The following TNFRSF11A variants were observed in gnomAD, a reference collection of about 807,000 sequenced individuals.
TNFRSF11A encodes the protein tumor necrosis factor receptor superfamily member 11A.
A neutral mutation model predicts 55.7 loss-of-function variants in TNFRSF11A; 32 were observed. That is an observed-to-expected ratio of 0.57 (90% CI 0.43 to 0.77). The LOEUF (loss-of-function observed/expected upper bound fraction) is 0.77, where lower values mean the gene tolerates loss of function less well. Among genes scored for constraint, TNFRSF11A ranks in the 30% least tolerant of loss-of-function variants. TNFRSF11A has a pLI of 0.00. For missense variants in TNFRSF11A, 753 were observed against 809.8 expected, an observed-to-expected ratio of 0.93 and a Z score of 0.85; for synonymous variants, 311 against 331.0, an observed-to-expected ratio of 0.94 and a Z score of 0.65.
chr18:62,387,874 G>A lies in TNFRSF11A; in HGVS notation c.*2840G>A, dbSNP rs569319082. On this transcript the variant is annotated 3_prime_UTR_variant, in exon 10 of 10. Coordinates refer to ENST00000586569, the MANE Select transcript of TNFRSF11A (RefSeq NM_003839.4). Reference sequence around the variant, plus strand: ...AGCGGTTCATGCCTCCCAGTGCTTTGGGAGGCCAAGGCAGGAGGATCACTT... The same window carrying A: ...AGCGGTTCATGCCTCCCAGTGCTTTAGGAGGCCAAGGCAGGAGGATCACTT... 4 of 152,328 alleles carry A rather than the reference G, an allele frequency of 2.6e-5. No individual in the cohort carries two copies. In the East Asian group the frequency reaches 7.7e-4, roughly 29 times the overall value. 9.4% of individuals were successfully genotyped at this position (152,328 alleles called of 1,614,324 possible).
intron 1 of TNFRSF11A, among the ~76,000 whole-genome samples, chr18:62,326,622 A>C (rs1331024367): frequency 1.3e-5 from 2 of 152,212 alleles, no homozygotes; most frequent in Non-Finnish European, 2.9e-5. Flanking sequence ...TTGCAAAATT[A>C]TCTCTCACTG....
In TNFRSF11A at chr18:62,369,472, TC is replaced by T; in HGVS notation, c.1559del (p.Pro520LeufsTer6). On this transcript the variant is annotated frameshift_variant, in exon 9 of 10. Transcript: ENST00000586569. LOFTEE classifies it high-confidence loss of function. Reference protein sequence around the residue: ...AGSGSSPGGQSPASGNVTGNS... With the variant: ...AGSGSSPGGQXPASGNVTGNS... ...GTCTGGAAGCTCCCCTGGTGGCCAG[TC>T]CCCTGCATCTGGTAAGTGACTTCCC... The T allele has an allele frequency of 1.2e-6, 2 of 1,606,934 alleles. No homozygotes were observed. The highest frequency in any genetic ancestry group is 1.7e-6 in the Non-Finnish European group (2 of 1,179,994).
intron 2 of TNFRSF11A, 52 bp from the exon 3 acceptor site, chr18:62,349,760 T>A: frequency 6.2e-7 from 1 of 1,610,028 alleles, no homozygotes; most frequent in Non-Finnish European, 8.5e-7. Context: ...TTTGTGTTGC[T>A]GTTTTTGTTT....
At chr18:62,351,840 A>G (rs978376671) in intron 3 of TNFRSF11A, among the ~76,000 whole-genome samples, 2 of 152,202 alleles carry the variant, frequency 1.3e-5, no homozygotes, top group Non-Finnish European at 2.9e-5. Context: ...TCTGTCGCCC[A>G]AGCTGGAGTG....
chr18:62,380,401 T>C (rs1276880924), intron 9 of TNFRSF11A, among the ~76,000 whole-genome samples: 6 of 152,090 alleles, frequency 3.9e-5, no homozygotes, highest in Non-Finnish European at 7.3e-5. Flanking sequence ...TAAATCTTTC[T>C]AGGTAACTGT....
chr18:62,378,557 A>G (rs1279044404), intron 9 of TNFRSF11A, among the ~76,000 whole-genome samples: 1 of 152,162 alleles, frequency 6.6e-6, no homozygotes, highest in Non-Finnish European at 1.5e-5. Context: ...GAGCACGGAT[A>G]TTACTTTCTG....
At chr18:62,341,243 C>T (rs554294317) in intron 1 of TNFRSF11A, among the ~76,000 whole-genome samples, 93 of 152,328 alleles carry the variant, frequency 6.1e-4, no homozygotes, top group Middle Eastern at 3.4e-3. Flanking sequence ...GACCACTCAT[C>T]GCCAATTTCA....
At chr18:62,330,213 A>C (rs767724318) in intron 1 of TNFRSF11A, among the ~76,000 whole-genome samples, 1 of 152,184 alleles carries the variant, frequency 6.6e-6, no homozygotes, top group Non-Finnish European at 1.5e-5. Context: ...ATTAAAAGAC[A>C]GCAGGATCCG....
intron 4 of TNFRSF11A, among the ~76,000 whole-genome samples, chr18:62,357,112 GC>G (rs1909314852): frequency 6.6e-6 from 1 of 152,192 alleles, no homozygotes; most frequent in South Asian, 2.1e-4. Context: ...ACCCTACCTA[GC>G]CAGCCAAATT....
At chr18:62,363,959 C>T (rs1358067747) in intron 7 of TNFRSF11A, among the ~76,000 whole-genome samples, 1 of 152,218 alleles carries the variant, frequency 6.6e-6, no homozygotes, top group African/African-American at 2.4e-5. Context: ...TCATCAGGGA[C>T]TGGACTGACA....
intron 1 of TNFRSF11A, among the ~76,000 whole-genome samples, chr18:62,335,598 G>A (rs1231186281): frequency 2.0e-5 from 3 of 151,944 alleles, no homozygotes; most frequent in African/African-American, 7.3e-5. Context: ...CATGAGTGAC[G>A]GGCACAAAGA....
Position 62,384,943 on chromosome 18 carries a change from G to T in TNFRSF11A, c.1760G>T (p.Arg587Leu). 1.3e-6 allele frequency: 2 copies of T among 1,538,156 alleles called. No homozygotes were observed. The highest frequency in any genetic ancestry group is 8.7e-7 in the Non-Finnish European group (1 of 1,144,432). ...GACTCCTTCGCGGGGAACGGCCCGC[G>T]CTTCCCGGACCCGTGCGGCGGCCCC... Reference protein sequence around the residue: ...RRDSFAGNGPRFPDPCGGPEG... With the variant: ...RRDSFAGNGPLFPDPCGGPEG... Residue 587 changes from arginine to leucine, a missense_variant, in exon 10 of 10, where the codon CGC (arginine) becomes CTC (leucine). Transcript: ENST00000586569.
intron 1 of TNFRSF11A, among the ~76,000 whole-genome samples, chr18:62,340,320 G>A (rs2046293875): frequency 6.6e-6 from 1 of 151,946 alleles, no homozygotes. Flanking sequence ...CTAGGCTCAA[G>A]CGATCCTCCT....
In TNFRSF11A at chr18:62,387,767, T is replaced by G. The variant is rs1381317191; in HGVS notation, c.*2733T>G. On this transcript the variant is annotated 3_prime_UTR_variant, in exon 10 of 10. Transcript: ENST00000586569. ...AATGTGTTAGATCAGAACCTTCATG[T>G]GGTGGGGAAAATGGGATTATTTCAG... The G allele has an allele frequency of 6.6e-6, 1 of 152,214 alleles. No individual in the cohort carries two copies. Among genetic ancestry groups the G allele is most frequent in the African/African-American group, 2.4e-5 (1 of 41,446 alleles). The allele number at this position is 152,214 out of a possible 1,614,324, so 9.4% of individuals were successfully genotyped here.
Position 62,369,240 on chromosome 18 carries a change from C to T in TNFRSF11A, c.1323C>T (p.Asn441=). 2.5e-6 allele frequency: 4 copies of T among 1,613,712 alleles called. No homozygotes were observed. Among genetic ancestry groups the T allele is most frequent in the Non-Finnish European group, 3.4e-6 (4 of 1,180,040 alleles). ...CPHWAASPSP[N]WADVCTGCRN... is the part of the protein sequence containing the mutation. Reference sequence around the variant, plus strand: ...ACTGGGCAGCCAGCCCCAGCCCCAACTGGGCAGATGTCTGCACAGGCTGCC... The same window carrying T: ...ACTGGGCAGCCAGCCCCAGCCCCAATTGGGCAGATGTCTGCACAGGCTGCC... Residue 441 remains asparagine (N), a synonymous_variant, in exon 9 of 10, where the codon AAC becomes AAT. Transcript: ENST00000586569.
At position 62,362,490 on chromosome 18, in the gene TNFRSF11A, CAAAAAAAAAAAAAA is replaced by C. The variant is rs57219485; in HGVS notation, c.730+707_730+720del. On this transcript the variant is annotated intron_variant, in intron 7 of 9. Transcript: ENST00000586569. ...GGACAACAAGAGCAAAACTTCATCT[CAAAAAAAAAAAAAA>C]AAAAAAAAAGAACCTTCGATTATGA... Among the ~76,000 whole-genome samples the C allele has an allele frequency of 1.8e-3, 138 of 75,902 alleles. 3 individuals carry two copies. Among genetic ancestry groups the C allele is most frequent in the Non-Finnish European group, 2.9e-4 (12 of 41,672 alleles). The allele number at this position is 75,902 out of a possible 152,430, so 49.8% of individuals were successfully genotyped here. A position where few individuals can be genotyped will look rare whatever the true frequency, so the allele number is the denominator to read the frequency against.
In TNFRSF11A at chr18:62,389,112, A is replaced by G. The variant is rs1600439944; in HGVS notation, c.*4078A>G. The G allele has an allele frequency of 6.6e-6, 1 of 152,284 alleles. No homozygotes were observed. 9.4% of individuals were successfully genotyped at this position (152,284 alleles called of 1,614,324 possible). On this transcript the variant is annotated 3_prime_UTR_variant, in exon 10 of 10. Coordinates refer to ENST00000586569, the MANE Select transcript of TNFRSF11A (RefSeq NM_003839.4). ...GCCCTAAACACTCTGTTGGTGAATCATCATGTTTATTGAGTGTGCTTTTAG... is the reference window on the plus strand; with the variant it reads ...GCCCTAAACACTCTGTTGGTGAATCGTCATGTTTATTGAGTGTGCTTTTAG...
At chr18:62,337,599 G>A (rs1191667879) in intron 1 of TNFRSF11A, among the ~76,000 whole-genome samples, 1 of 152,116 alleles carries the variant, frequency 6.6e-6, no homozygotes, top group African/African-American at 2.4e-5. Flanking sequence ...CTCCTGGCAC[G>A]TGCTGTACAT....
intron 4 of TNFRSF11A, among the ~76,000 whole-genome samples, chr18:62,357,544 T>C (rs745667410): frequency 6.6e-6 from 1 of 152,216 alleles, no homozygotes; most frequent in Non-Finnish European, 1.5e-5. Context: ...TTTTAATGTA[T>C]TGTTGGACTG....
Sources: allele counts gnomAD v4.1 joint callset (sites outside exome capture counted in the v4.1 genomes callset), GRCh38; gene constraint gnomAD v4.1.1; transcripts MANE v1.5; gene names NCBI Gene and HGNC (gene_info 2026-07-23, HGNC 2026-07-21).